The following CPAMD8 variants were observed in gnomAD, a reference collection of about 807,000 sequenced individuals.
CPAMD8 encodes C3 and PZP-like alpha-2-macroglobulin domain-containing protein 8.
CPAMD8 carries 146 observed loss-of-function variants against 224.7 expected under a neutral mutation model. That is an observed-to-expected ratio of 0.65 (90% confidence interval 0.57 to 0.75). The LOEUF (loss-of-function observed/expected upper bound fraction) is 0.75, where lower values mean the gene tolerates loss of function less well. Among genes scored for constraint, CPAMD8 ranks in the 30% least tolerant of loss-of-function variants. CPAMD8 has a pLI of 0.00. For synonymous variants in CPAMD8, 966 were observed against 1,044.6 expected, an observed-to-expected ratio of 0.92 and a Z score of 1.45; for missense variants, 2,301 against 2,537.5, an observed-to-expected ratio of 0.91 and a Z score of 2.00.
chr19:16,985,344 G>GATGA (rs2055678961), intron 13 of CPAMD8, among the ~76,000 whole-genome samples: 1 of 150,954 alleles, frequency 6.6e-6, no homozygotes, highest in South Asian at 2.1e-4. Flanking sequence ...ATGAAGGGCG[G>GATGA]ATGGATGGAT....
intron 13 of CPAMD8, among the ~76,000 whole-genome samples, chr19:16,984,906 T>C (rs2055660221): frequency 6.6e-6 from 1 of 152,224 alleles, no homozygotes; most frequent in Non-Finnish European, 1.5e-5. Flanking sequence ...TGCACACTCA[T>C]GTGTAGTCAC....
intron 27 of CPAMD8, among the ~76,000 whole-genome samples, chr19:16,919,965 G>T (rs534510897): frequency 6.6e-6 from 1 of 152,180 alleles, no homozygotes; most frequent in Non-Finnish European, 1.5e-5. Context: ...AAGGAAACAG[G>T]CTCAGAGAGG....
At chr19:16,908,150 G>C (rs1412848123) in intron 29 of CPAMD8, among the ~76,000 whole-genome samples, 1 of 152,076 alleles carries the variant, frequency 6.6e-6, no homozygotes, top group African/African-American at 2.4e-5. Flanking sequence ...CTTGAGGTCA[G>C]GAGTTCAAGA....
At position 17,011,478 on chromosome 19, in the gene CPAMD8, G is replaced by T. The variant is rs1012779331; in HGVS notation, c.472C>A (p.Pro158Thr). 8 of 1,614,104 alleles carry T rather than the reference G, an allele frequency of 5.0e-6. No homozygotes were observed. The highest frequency in any genetic ancestry group is 6.8e-6 in the Non-Finnish European group (8 of 1,180,054). ...GCTGATCTCACCTTCTCGTTGACAG[G>T]CCTCAGATTTGGAGAGACGGTGAAG... ...SIFTVSPNLR[P>T]VNEKLEAYIL... The change falls in exon 5 of 42, where the codon CCT becomes ACT. Residue 158 changes from proline to threonine, a missense_variant. This residue lies in a region of CPAMD8 where 283 missense variants were observed against 340.6 expected (regional missense o/e 0.83). Transcript: ENST00000443236.
chr19:17,012,347 TTTC>T (rs1449259215), intron 3 of CPAMD8, among the ~76,000 whole-genome samples: 1,823 of 72,868 alleles, frequency 0.025, 22 homozygotes, highest in Middle Eastern at 0.092. Flanking sequence ...TCTTTCTTTC[TTTC>T]TTTTTTTTTT....
At chr19:16,996,834 A>G (rs2056141560) in intron 11 of CPAMD8, among the ~76,000 whole-genome samples, 1 of 151,890 alleles carries the variant, frequency 6.6e-6, no homozygotes, top group Admixed American at 6.6e-5. Context: ...AAAAAAAAAA[A>G]AAAAGAACCC....
chr19:16,959,276 T>C (rs1160982584), intron 18 of CPAMD8, among the ~76,000 whole-genome samples: 1 of 150,122 alleles, frequency 6.7e-6, no homozygotes, highest in Non-Finnish European at 1.5e-5. Context: ...CAGGTTCAAG[T>C]GATTCTCATG....
In CPAMD8 at chr19:16,906,991, C is replaced by T. The variant is rs1368475437; in HGVS notation, c.3988G>A (p.Glu1330Lys). The T allele has an allele frequency of 6.3e-7, 1 of 1,599,366 alleles. No individual in the cohort carries two copies. Among genetic ancestry groups the T allele is most frequent in the Non-Finnish European group, 8.5e-7 (1 of 1,174,816 alleles). The change falls in exon 30 of 42, where the codon GAG becomes AAG. Residue 1330 changes from glutamate to lysine, a missense_variant. Transcript: ENST00000443236. ...LTLLRSPAAP[E>K]ALRKLRSLAI... ...AGGCTACGGAGCTTGCGCAGTGCCT[C>T]AGGGGCTGCCGGGCTGCGGAGCAGG...
chr19:16,894,762 C>A (rs962028013), intron 41 of CPAMD8: 5 of 273,080 alleles, frequency 1.8e-5, no homozygotes, highest in Non-Finnish European at 3.8e-5. Context: ...AAACTCCAGG[C>A]CGGGCACAGT....
chr19:17,002,125 G>A (rs1329192151), intron 9 of CPAMD8, 141 bp downstream of exon 9: 12 of 616,930 alleles, frequency 1.9e-5, no homozygotes, highest in Non-Finnish European at 3.6e-5. Flanking sequence ...CCCCAGGGAG[G>A]AGGGAACCAG....
chr19:16,963,024 C>A (rs529004904), intron 18 of CPAMD8, among the ~76,000 whole-genome samples: 18 of 152,158 alleles, frequency 1.2e-4, no homozygotes, highest in Admixed American at 1.2e-3. Flanking sequence ...GCCTGCCTTT[C>A]AAGAGCTCCT....
intron 28 of CPAMD8, 76 bp from the exon 29 acceptor site, chr19:16,914,574 C>A: frequency 6.2e-7 from 1 of 1,611,394 alleles, no homozygotes. Context: ...CAGGCAGCTC[C>A]AGGGAGTAGG....
In CPAMD8 at chr19:16,928,059, AC is replaced by A; in HGVS notation, c.3319del (p.Val1107SerfsTer25). Reference protein sequence around the residue: ...ESYSEAFTLGVPHGAIPGSER... With the variant: ...ESYSEAFTLGXPHGAIPGSER... The stretch of plus-strand genomic sequence containing the variant: ...AGACCCAGGGATGGCGCCGTGTGGG[AC>A]CCCCAGGGTGAAGGCCTCGCTGTAG... On this transcript the variant is annotated frameshift_variant, in exon 25 of 42. Coordinates refer to ENST00000443236, the MANE Select transcript of CPAMD8 (RefSeq NM_015692.5). LOFTEE classifies it high-confidence loss of function. The A allele has an allele frequency of 6.2e-7, 1 of 1,613,548 alleles. No homozygotes were observed. The highest frequency in any genetic ancestry group is 1.1e-5 in the South Asian group (1 of 91,056).
rs560457655 is a variant in CPAMD8 at position 16,979,613 on chromosome 19, T to A, written c.1585+884A>T. On this transcript the variant is annotated intron_variant, in intron 14 of 41. Coordinates refer to ENST00000443236, the MANE Select transcript of CPAMD8 (RefSeq NM_015692.5). Reference sequence around the variant, plus strand: ...ATCCACTGTTCTATCAGTCCATCCATCCATCCATCCATTCATCCATCTTTC... The same window carrying A: ...ATCCACTGTTCTATCAGTCCATCCAACCATCCATCCATTCATCCATCTTTC... 1.1e-4 allele frequency among the ~76,000 whole-genome samples: 16 copies of A among 151,828 alleles called. 2 individuals are homozygous for A. In the East Asian group the frequency reaches 2.5e-3, roughly 24 times the overall value.
At chr19:16,952,299 A>T in intron 19 of CPAMD8, 99 bp from the exon 20 acceptor site, 1 of 697,236 alleles carries the variant, frequency 1.4e-6, no homozygotes. Context: ...TGGCTCAGAG[A>T]GGCACCCTAG....
At chr19:16,996,895 C>A (rs1177570420) in intron 11 of CPAMD8, among the ~76,000 whole-genome samples, 2 of 151,430 alleles carry the variant, frequency 1.3e-5, no homozygotes, top group Non-Finnish European at 1.5e-5. Context: ...AATGGCTACT[C>A]AGATGTCTGT....
At chr19:16,978,302 C>G (rs1238877388) in intron 14 of CPAMD8, among the ~76,000 whole-genome samples, 1 of 152,134 alleles carries the variant, frequency 6.6e-6, no homozygotes, top group Non-Finnish European at 1.5e-5. Context: ...GAAACCCCCA[C>G]CCCCAAGTCA....
intron 20 of CPAMD8, among the ~76,000 whole-genome samples, chr19:16,949,568 C>G (rs1312218450): frequency 1.3e-5 from 2 of 152,004 alleles, no homozygotes; most frequent in Admixed American, 1.3e-4. Context: ...GTGACCGCTG[C>G]CTTGGTTGCT....
At chr19:16,914,280 G>A (rs1194401818) in intron 29 of CPAMD8, 144 bp downstream of exon 29, 2 of 654,226 alleles carry the variant, frequency 3.1e-6, no homozygotes, top group Middle Eastern at 2.6e-4. Flanking sequence ...TGTGACCATT[G>A]TTGATGAAAA....
Sources: gnomAD v4.1 joint callset for allele counts (sites outside exome capture counted in the v4.1 genomes callset) on GRCh38, gnomAD v4.1.1 for gene constraint, gnomAD v4.1.1 regional missense constraint, MANE v1.5 for transcripts, NCBI Gene and HGNC (gene_info 2026-07-23, HGNC 2026-07-21) for gene names.